The following DLEC1 variants were observed in gnomAD, a reference collection of about 807,000 sequenced individuals.
DLEC1 encodes DLEC1 cilia and flagella associated protein.
In DLEC1, 146 loss-of-function variants were observed where a neutral mutation model predicts 198.1. The ratio of observed to expected loss-of-function variants is 0.74; its 90% confidence interval spans 0.64 to 0.85. The LOEUF (loss-of-function observed/expected upper bound fraction) is 0.85. Among genes scored for constraint, DLEC1 ranks in the 40% least tolerant of loss-of-function variants. DLEC1 has a pLI of 0.00. For synonymous variants in DLEC1, 897 were observed against 866.8 expected, an observed-to-expected ratio of 1.03 and a Z score of -0.61; for missense variants, 2,233 against 2,220.0, an observed-to-expected ratio of 1.01 and a Z score of -0.12.
rs375345085 is a variant in DLEC1 at position 38,107,764 on chromosome 3, C to T, written c.3018+27C>T. 5.0e-6 allele frequency: 8 copies of T among 1,608,798 alleles called. No individual in the cohort carries two copies. The African/African-American group carries it at 1.1e-4, about 21-fold the overall frequency. On this transcript the variant is annotated intron_variant, in intron 20 of 36. Coordinates refer to ENST00000308059, the MANE Select transcript of DLEC1 (RefSeq NM_007335.4). ...TGAGTGAGCCCACAGCATCAGGCAG[C>T]AGTCTGCAGCCCTCAGCCACAGAGG...
In DLEC1 at chr3:38,062,709, TCCTAACACTCGATATGGAGGCA is replaced by T; in HGVS notation, c.1003_1024del (p.Pro335SerfsTer13). 1.9e-6 allele frequency: 3 copies of T among 1,614,048 alleles called. No homozygotes were observed. The highest frequency in any genetic ancestry group is 2.5e-6 in the Non-Finnish European group (3 of 1,179,996). On this transcript the variant is annotated frameshift_variant, in exon 5 of 37. Coordinates refer to ENST00000308059, the MANE Select transcript of DLEC1 (RefSeq NM_007335.4). LOFTEE classifies it high-confidence loss of function. ...TCCTAAAAAATCCCCGTTTTTTTCC[TCCTAACACTCGATATGGAGGCA>T]AGTCTCTTGTTTTTCCTCCAAAGAA... is the stretch of plus-strand genomic sequence containing the variant.
At chr3:38,120,648 A>G in intron 34 of DLEC1, 39 bp downstream of exon 34, 1 of 1,610,974 alleles carries the variant, frequency 6.2e-7, no homozygotes, top group South Asian at 1.1e-5. Flanking sequence ...GGAGGGTGGA[A>G]GTGGGCTGGG....
At chr3:38,055,173 G>A (rs1342773754) in intron 2 of DLEC1, among the ~76,000 whole-genome samples, 1 of 152,238 alleles carries the variant, frequency 6.6e-6, no homozygotes, top group Non-Finnish European at 1.5e-5. Flanking sequence ...CATAAGAAGT[G>A]TGGAGGTCAG....
rs563922162 is a variant in DLEC1, at chr3:38,078,989, A to G, written c.1174-5169A>G. On this transcript the variant is annotated intron_variant, in intron 6 of 36. Coordinates refer to ENST00000308059, the MANE Select transcript of DLEC1 (RefSeq NM_007335.4). ...AGCAGGCGAGTGATAACAGGCTTTA[A>G]TCCTTTCAAAACATGCTGTGGGATG... Among the ~76,000 whole-genome samples, 1,149 of 152,324 alleles carry G rather than the reference A, an allele frequency of 7.5e-3. 15 individuals are homozygous for G. The highest frequency in any genetic ancestry group is 0.026 in the African/African-American group (1,062 of 41,566).
In DLEC1 at chr3:38,116,927, C is replaced by T. The variant is rs375553881; in HGVS notation, c.4179+38C>T. 1.9e-5 allele frequency: 30 copies of T among 1,611,706 alleles called. No individual in the cohort carries two copies. In the African/African-American group the frequency reaches 3.5e-4, roughly 19 times the overall value. ...ATGGGCTGGGAGCTGTCTGCATTGG[C>T]CGGCCAGTGGGCATGGGACAGTGCT... On this transcript the variant is annotated intron_variant, in intron 29 of 36. Transcript: ENST00000308059.
At chr3:38,059,630 G>A in intron 2 of DLEC1, 112 bp from the exon 3 acceptor site, 4 of 854,104 alleles carry the variant, frequency 4.7e-6, no homozygotes, top group Non-Finnish European at 7.4e-6. Context: ...AGGTTTCTGA[G>A]AAGGAATTTT....
intron 9 of DLEC1, among the ~76,000 whole-genome samples, chr3:38,087,085 A>T (rs1698497301): frequency 1.3e-5 from 2 of 152,040 alleles, no homozygotes; most frequent in South Asian, 4.1e-4. Flanking sequence ...AAAAAAAAAA[A>T]AAAATGGAGA....
rs780652256 is a variant in DLEC1 at position 38,062,165 on chromosome 3, G to A, written c.674-4G>A. 4 of 1,614,046 alleles carry A rather than the reference G, an allele frequency of 2.5e-6. No individual in the cohort carries two copies. Among genetic ancestry groups the A allele is most frequent in the Admixed American group, 1.7e-5 (1 of 60,008 alleles). On this transcript the variant is annotated splice_region_variant and splice_polypyrimidine_tract_variant and intron_variant, in intron 3 of 36. Coordinates refer to ENST00000308059, the MANE Select transcript of DLEC1 (RefSeq NM_007335.4). The stretch of plus-strand genomic sequence containing the variant: ...TGATTCAGTTTGTTTCCTTGATGCT[G>A]TAGGCATCTCCCTACCTGGATGTTC...
chr3:38,079,600 C>T (rs1330046766), intron 6 of DLEC1, among the ~76,000 whole-genome samples: 1 of 152,166 alleles, frequency 6.6e-6, no homozygotes, highest in Non-Finnish European at 1.5e-5. Context: ...GCCAGAGTTC[C>T]AGGGGCTCTG....
At chr3:38,048,103 G>T (rs1370436163) in intron 2 of DLEC1, among the ~76,000 whole-genome samples, 3 of 152,112 alleles carry the variant, frequency 2.0e-5, no homozygotes, top group Admixed American at 1.3e-4. Context: ...TCCATCTTTG[G>T]CAGAGAGCCT....
At chr3:38,041,752 A>G (rs1003471064) in intron 1 of DLEC1, among the ~76,000 whole-genome samples, 6 of 150,804 alleles carry the variant, frequency 4.0e-5, no homozygotes, top group Non-Finnish European at 7.4e-5. Flanking sequence ...GGAGGCTGAG[A>G]CAGGAGAATT....
chr3:38,098,263 C>T (rs140294639), intron 18 of DLEC1, among the ~76,000 whole-genome samples: 5 of 152,288 alleles, frequency 3.3e-5, no homozygotes, highest in African/African-American at 1.2e-4. Flanking sequence ...CACCTCCTCC[C>T]CACTCTCTGG....
chr3:38,087,152 A>G (rs1275343716), intron 9 of DLEC1, among the ~76,000 whole-genome samples: 3 of 152,080 alleles, frequency 2.0e-5, no homozygotes, highest in East Asian at 1.9e-4. Context: ...TATGAAGGCC[A>G]GGGCCAGGAT....
intron 33 of DLEC1, among the ~76,000 whole-genome samples, chr3:38,119,091 G>T (rs1164042072): frequency 6.6e-6 from 1 of 152,200 alleles, no homozygotes; most frequent in African/African-American, 2.4e-5. Context: ...AGGAGACACG[G>T]CGGTTAGCCA....
In DLEC1 at chr3:38,092,856, C is replaced by A; in HGVS notation, c.1732C>A (p.Gln578Lys). The A allele has an allele frequency of 1.9e-6, 3 of 1,614,134 alleles. No individual in the cohort carries two copies. Among genetic ancestry groups the A allele is most frequent in the Non-Finnish European group, 2.5e-6 (3 of 1,180,014 alleles). Reference protein sequence around the residue: ...QTFIIMCDNCQIKELVTIGIG... With the variant: ...QTFIIMCDNCKIKELVTIGIG... ...CTTCATCATCATGTGCGACAACTGCCAGATAAAGGAGCTGGTGACCATAGG... is the reference window on the plus strand; with the variant it reads ...CTTCATCATCATGTGCGACAACTGCAAGATAAAGGAGCTGGTGACCATAGG... Residue 578 changes from glutamine to lysine, a missense_variant, in exon 11 of 37, where the codon CAG becomes AAG. Transcript: ENST00000308059.
Position 38,097,801 on chromosome 3 carries a change from C to T in DLEC1, c.2623C>T (p.Gln875Ter). The T allele has an allele frequency of 6.2e-7, 1 of 1,614,146 alleles. No homozygotes were observed. The highest frequency in any genetic ancestry group is 8.5e-7 in the Non-Finnish European group (1 of 1,180,030). ...ALQFGLLRLG[Q>*]KATNSIQIRN... ...TCAGTTTGGTCTGCTCCGCCTGGGG[C>T]AGAAAGCCACAAACTCCATCCAGAT... Residue 875 changes from glutamine (Q) to a stop codon, truncating the protein, a stop_gained, in exon 18 of 37, where the codon CAG becomes TAG. Transcript: ENST00000308059. LOFTEE classifies it high-confidence loss of function.
chr3:38,109,706 C>T, intron 22 of DLEC1, 144 bp downstream of exon 22: 2 of 1,346,342 alleles, frequency 1.5e-6, no homozygotes, highest in Non-Finnish European at 2.0e-6. Flanking sequence ...ATTGCGGCCA[C>T]TCACCACTCC....
chr3:38,110,658 C>T (rs1483938752), intron 23 of DLEC1, among the ~76,000 whole-genome samples: 7 of 152,110 alleles, frequency 4.6e-5, no homozygotes, highest in South Asian at 2.1e-4. Flanking sequence ...CCACTGATAG[C>T]GTGCCTGGGC....
chr3:38,087,277 C>CACACCATCCATCAGCACTG (rs1342222366), intron 9 of DLEC1, among the ~76,000 whole-genome samples: 1 of 147,818 alleles, frequency 6.8e-6, no homozygotes, highest in African/African-American at 2.5e-5. Context: ...TCAGCATGCT[C>CACACCATCCATCAGCACTG]ACACCATCCA....
Sources: allele counts gnomAD v4.1 joint callset (sites outside exome capture counted in the v4.1 genomes callset), GRCh38; gene constraint gnomAD v4.1.1; transcripts MANE v1.5; gene names NCBI Gene and HGNC (gene_info 2026-07-23, HGNC 2026-07-21).